Variants in CTNNA3 observed in about 807,000 individuals in gnomAD.
CTNNA3 encodes the protein catenin alpha-3.
Under a neutral mutation model 95.7 loss-of-function variants are expected in CTNNA3, and 76 were observed. The observed-to-expected ratio is 0.79, with a 90% confidence interval of 0.66 to 0.96. The LOEUF is 0.96. Among genes scored for constraint, CTNNA3 ranks in the 40% least tolerant of loss-of-function variants. The pLI is 0.00. For missense variants in CTNNA3, 1,191 were observed against 1,089.8 expected (o/e 1.09, Z -1.31); for synonymous variants, 431 against 374.4 (o/e 1.15, Z -1.74).
intron 10 of CTNNA3, among the ~76,000 whole-genome samples, chr10:66,567,192 A>C (rs1589431977): frequency 6.6e-6 from 1 of 152,072 alleles, no homozygotes. Context: ...GACACAGGCA[A>C]GGAATCATAT....
At chr10:66,711,126 T>C (rs1848276943) in intron 9 of CTNNA3, among the ~76,000 whole-genome samples, 1 of 152,000 alleles carries the variant, frequency 6.6e-6, no homozygotes, top group South Asian at 2.1e-4. Flanking sequence ...AATCCTATTT[T>C]CTACCAATTG....
chr10:66,753,049 C>CAT (rs1839218383), intron 9 of CTNNA3, among the ~76,000 whole-genome samples: 1 of 152,166 alleles, frequency 6.6e-6, no homozygotes, highest in African/African-American at 2.4e-5. Context: ...TTGCATACAT[C>CAT]ATAGGCTATG....
intron 12 of CTNNA3, among the ~76,000 whole-genome samples, chr10:66,347,913 G>C (rs2092537035): frequency 6.6e-6 from 1 of 152,020 alleles, no homozygotes; most frequent in African/African-American, 2.4e-5. Context: ...TATTTGAATA[G>C]AAAATAGCTA....
intron 9 of CTNNA3, among the ~76,000 whole-genome samples, chr10:66,708,716 C>G (rs1474273387): frequency 6.6e-6 from 1 of 151,958 alleles, no homozygotes. Flanking sequence ...GAATTTAGAG[C>G]CAAAAGAGAC....
intron 9 of CTNNA3, among the ~76,000 whole-genome samples, chr10:66,699,014 T>C (rs1012671409): frequency 6.6e-5 from 10 of 152,232 alleles, no homozygotes; most frequent in African/African-American, 2.2e-4. Flanking sequence ...TCATACTTTA[T>C]ATTTGTGTAT....
intron 15 of CTNNA3, among the ~76,000 whole-genome samples, chr10:66,015,264 T>G (rs1303153597): frequency 6.6e-6 from 1 of 152,166 alleles, no homozygotes; most frequent in Non-Finnish European, 1.5e-5. Context: ...TATCAACACC[T>G]AATAGACTAG....
At chr10:66,841,836 G>A (rs539455247) in intron 7 of CTNNA3, among the ~76,000 whole-genome samples, 22 of 152,200 alleles carry the variant, frequency 1.4e-4, no homozygotes, top group African/African-American at 4.8e-4. Flanking sequence ...CAAATATAAA[G>A]TATACTAACA....
chr10:66,138,591 G>T (rs2083464228), intron 13 of CTNNA3, among the ~76,000 whole-genome samples: 1 of 152,182 alleles, frequency 6.6e-6, no homozygotes, highest in African/African-American at 2.4e-5. Flanking sequence ...CACTTTGGGA[G>T]GCCGAGGTGG....
chr10:67,244,656 T>C (rs1865843941), intron 5 of CTNNA3, among the ~76,000 whole-genome samples: 1 of 152,132 alleles, frequency 6.6e-6, no homozygotes, highest in African/African-American at 2.4e-5. Flanking sequence ...TGGCTAAAAT[T>C]AGTGAAATAG....
chr10:66,624,379 A>G (rs901169458), intron 9 of CTNNA3, among the ~76,000 whole-genome samples: 3 of 152,156 alleles, frequency 2.0e-5, no homozygotes, highest in African/African-American at 7.2e-5. Flanking sequence ...CATTTAATCT[A>G]TCTCTCAACT....
intron 7 of CTNNA3, among the ~76,000 whole-genome samples, chr10:67,149,807 G>A (rs10997531): frequency 0.035 from 5,321 of 152,210 alleles, 127 homozygotes; most frequent in East Asian, 0.12. Context: ...CAGCTCCTGC[G>A]CCGATCAAAC....
intron 5 of CTNNA3, among the ~76,000 whole-genome samples, chr10:67,491,324 T>C (rs896901951): frequency 7.9e-5 from 12 of 152,314 alleles, no homozygotes; most frequent in African/African-American, 2.6e-4. Flanking sequence ...ACTGTCCTAG[T>C]TGTTGGGGAA....
intron 12 of CTNNA3, among the ~76,000 whole-genome samples, chr10:66,348,051 A>T (rs1299422922): frequency 6.6e-6 from 1 of 152,140 alleles, no homozygotes; most frequent in Non-Finnish European, 1.5e-5. Flanking sequence ...AGAATAACAA[A>T]GACAAAAAAC....
At chr10:66,261,888 C>A (rs1394639484) in intron 13 of CTNNA3, among the ~76,000 whole-genome samples, 1 of 151,848 alleles carries the variant, frequency 6.6e-6, no homozygotes, top group Non-Finnish European at 1.5e-5. Context: ...CACCAATTAA[C>A]AATCTCCACA....
At chr10:67,452,061 TGGAAGGAAGGAA>T (rs59544939) in intron 5 of CTNNA3, among the ~76,000 whole-genome samples, 77 of 121,090 alleles carry the variant, frequency 6.4e-4, no homozygotes, top group Non-Finnish European at 8.1e-4. Context: ...GAGGGAGGAA[TGGAAGGAAGGAA>T]GGAAGGAAGG....
intron 1 of CTNNA3, among the ~76,000 whole-genome samples, chr10:67,705,482 C>T (rs1258329257): frequency 6.7e-6 from 1 of 149,960 alleles, no homozygotes; most frequent in African/African-American, 2.5e-5. Context: ...TTTGTAGGGA[C>T]ATGGATGAAA....
At chr10:67,190,981 C>A (rs1426232541) in intron 6 of CTNNA3, among the ~76,000 whole-genome samples, 2 of 151,802 alleles carry the variant, frequency 1.3e-5, no homozygotes, top group East Asian at 3.9e-4. Flanking sequence ...AGAAAATAAG[C>A]ATATGAAAAT....
intron 12 of CTNNA3, among the ~76,000 whole-genome samples, chr10:66,309,642 C>T (rs1337952050): frequency 4.5e-5 from 6 of 134,790 alleles, no homozygotes; most frequent in African/African-American, 1.7e-4. Flanking sequence ...GCTGAGATCG[C>T]GCCACTGCAC....
chr10:67,592,938 G>C (rs958442786), intron 3 of CTNNA3, among the ~76,000 whole-genome samples: 5 of 152,150 alleles, frequency 3.3e-5, no homozygotes, highest in African/African-American at 9.7e-5. Flanking sequence ...ACAGTACCTG[G>C]TAAGTAGTTA....
Sources: allele counts gnomAD v4.1 joint callset (sites outside exome capture counted in the v4.1 genomes callset), GRCh38; gene constraint gnomAD v4.1.1; transcripts MANE v1.5; gene names NCBI Gene and HGNC (gene_info 2026-07-23, HGNC 2026-07-21).